LPGAT1: variants seen among roughly 807,000 people sequenced by gnomAD.
LPGAT1 encodes the protein lysophosphatidylglycerol acyltransferase 1.
In LPGAT1, 11 loss-of-function variants were observed where a neutral mutation model predicts 47.5. That is an observed-to-expected ratio of 0.23 (90% CI 0.15 to 0.38). LPGAT1 has a LOEUF of 0.38. LPGAT1 is among the 10% of genes least tolerant of loss of function. LPGAT1 has a pLI of 1.00. For synonymous variants in LPGAT1, 138 were observed against 144.2 expected, an observed-to-expected ratio of 0.96 and a Z score of 0.31; for missense variants, 293 against 439.0, an observed-to-expected ratio of 0.67 and a Z score of 2.97.
chr1:211,764,918 T>C (rs1657845720), intron 6 of LPGAT1, among the ~76,000 whole-genome samples: 1 of 152,214 alleles, frequency 6.6e-6, no homozygotes, highest in Non-Finnish European at 1.5e-5. Flanking sequence ...AGCCCTCCTC[T>C]TGAGCCTTGT....
chr1:211,829,424 G>T, intron 1 of LPGAT1, 101 bp from the exon 2 acceptor site: 1 of 1,505,410 alleles, frequency 6.6e-7, no homozygotes. Flanking sequence ...AAAACAGCGA[G>T]GGTCGAAGCT....
chr1:211,765,482 C>A (rs889313241), intron 6 of LPGAT1, among the ~76,000 whole-genome samples: 1 of 152,082 alleles, frequency 6.6e-6, no homozygotes, highest in African/African-American at 2.4e-5. Flanking sequence ...AAAATTAAAA[C>A]CCTAGGAATT....
At chr1:211,803,393 T>C (rs1039475783) in intron 2 of LPGAT1, among the ~76,000 whole-genome samples, 1 of 152,200 alleles carries the variant, frequency 6.6e-6, no homozygotes, top group African/African-American at 2.4e-5. Flanking sequence ...GGATGTCGGC[T>C]GTATACCAGG....
intron 6 of LPGAT1, among the ~76,000 whole-genome samples, chr1:211,766,488 A>G (rs544015885): frequency 6.6e-6 from 1 of 152,372 alleles, no homozygotes; most frequent in African/African-American, 2.4e-5. Context: ...AAATGTGCTG[A>G]GAACATTTAC....
chr1:211,784,866 C>G (rs192171276), intron 4 of LPGAT1, among the ~76,000 whole-genome samples: 3 of 146,060 alleles, frequency 2.1e-5, no homozygotes, highest in South Asian at 4.3e-4. Context: ...TGCAGTGGTG[C>G]GATCTCGGGT....
intron 3 of LPGAT1, among the ~76,000 whole-genome samples, chr1:211,789,087 C>T (rs1354212385): frequency 6.6e-6 from 1 of 152,130 alleles, no homozygotes; most frequent in Non-Finnish European, 1.5e-5. Context: ...AGAACTGATT[C>T]CTCAATCAAT....
intron 4 of LPGAT1, among the ~76,000 whole-genome samples, chr1:211,786,963 G>A (rs1033457048): frequency 6.6e-6 from 1 of 152,070 alleles, no homozygotes; most frequent in Non-Finnish European, 1.5e-5. Context: ...CATTGTGGGG[G>A]ATACTACATA....
intron 2 of LPGAT1, among the ~76,000 whole-genome samples, chr1:211,801,440 C>T (rs928607247): frequency 7.2e-5 from 11 of 152,116 alleles, no homozygotes; most frequent in African/African-American, 2.7e-4. Flanking sequence ...TAAAGCCAGG[C>T]TTGGTGACTC....
intron 2 of LPGAT1, among the ~76,000 whole-genome samples, chr1:211,804,722 T>C (rs962600135): frequency 6.6e-6 from 1 of 152,234 alleles, no homozygotes; most frequent in African/African-American, 2.4e-5. Flanking sequence ...AGTTCTCTAA[T>C]GTTGGGTCCT....
chr1:211,789,811 C>T (rs1659032692), intron 3 of LPGAT1, among the ~76,000 whole-genome samples: 1 of 147,740 alleles, frequency 6.8e-6, no homozygotes, highest in Non-Finnish European at 1.5e-5. Flanking sequence ...GCGGAGGTTG[C>T]AGTGAGCTGA....
chr1:211,766,314 TAA>T (rs1657911856), intron 6 of LPGAT1, among the ~76,000 whole-genome samples: 1 of 152,176 alleles, frequency 6.6e-6, no homozygotes, highest in Non-Finnish European at 1.5e-5. Flanking sequence ...TCAGCAGCCA[TAA>T]TCACATGAGC....
At chr1:211,768,683 A>G (rs546404420) in intron 6 of LPGAT1, among the ~76,000 whole-genome samples, 1 of 152,362 alleles carries the variant, frequency 6.6e-6, no homozygotes, top group East Asian at 1.9e-4. Context: ...ATGGTGTGAC[A>G]TTATCTCTAT....
At chr1:211,823,649 T>C (rs1660439551) in intron 2 of LPGAT1, among the ~76,000 whole-genome samples, 1 of 152,150 alleles carries the variant, frequency 6.6e-6, no homozygotes. Context: ...GTTAAATTAG[T>C]AAATGTGGCC....
intron 6 of LPGAT1, among the ~76,000 whole-genome samples, chr1:211,763,986 AAAT>A (rs1281995650): frequency 4.3e-4 from 65 of 152,166 alleles, no homozygotes; most frequent in Non-Finnish European, 8.8e-5. Flanking sequence ...AGCCTGGCCA[AAAT>A]GGTGAAACTC....
At chr1:211,800,980 T>C (rs755839226) in intron 2 of LPGAT1, among the ~76,000 whole-genome samples, 2 of 152,222 alleles carry the variant, frequency 1.3e-5, no homozygotes, top group Non-Finnish European at 2.9e-5. Context: ...ATACTGACAT[T>C]TGGGGTTCCC....
chr1:211,819,860 C>CT (rs1222974634), intron 2 of LPGAT1, among the ~76,000 whole-genome samples: 2 of 152,046 alleles, frequency 1.3e-5, no homozygotes, highest in Non-Finnish European at 2.9e-5. Context: ...TGGCAGACGC[C>CT]TGTACTGCCA....
chr1:211,773,190 T>C (rs1287941571), intron 6 of LPGAT1, among the ~76,000 whole-genome samples: 4 of 152,180 alleles, frequency 2.6e-5, no homozygotes, highest in Non-Finnish European at 5.9e-5. Flanking sequence ...ATTAGCAGTA[T>C]ATATGAGATC....
At chr1:211,757,816 T>C (rs576229230) in intron 6 of LPGAT1, among the ~76,000 whole-genome samples, 4 of 152,358 alleles carry the variant, frequency 2.6e-5, no homozygotes, top group Admixed American at 2.6e-4. Flanking sequence ...ATCTTTTGAA[T>C]TGTAAGAAAT....
chr1:211,778,672 TA>T (rs1347675454), intron 6 of LPGAT1, among the ~76,000 whole-genome samples: 2 of 152,222 alleles, frequency 1.3e-5, no homozygotes, highest in Non-Finnish European at 2.9e-5. Flanking sequence ...CCCTTTGAGT[TA>T]ACTTTTACTC....
Sources: gnomAD v4.1 joint callset for allele counts (sites outside exome capture counted in the v4.1 genomes callset) on GRCh38, gnomAD v4.1.1 for gene constraint, MANE v1.5 for transcripts, NCBI Gene and HGNC (gene_info 2026-07-23, HGNC 2026-07-21) for gene names.